The following DTNB variants were observed in gnomAD, a reference collection of about 807,000 sequenced individuals.
The protein encoded by DTNB is DTN-B.
Under a neutral mutation model 90.7 loss-of-function variants are expected in DTNB, and 63 were observed. The observed-to-expected ratio is 0.69, with a 90% CI of 0.57 to 0.86. The LOEUF is 0.86. Ranked by LOEUF, DTNB falls within the 40% of genes least tolerant of loss-of-function variation. The probability of loss-of-function intolerance (pLI) is 0.00; values close to 1 mark genes in which losing one functional copy is unlikely to be tolerated. For synonymous variants in DTNB, 277 were observed against 286.7 expected (o/e 0.97, Z 0.34); for missense variants, 744 against 807.1 (o/e 0.92, Z 0.95).
At chr2:25,396,375 G>A (rs758631429) in intron 16 of DTNB, among the ~76,000 whole-genome samples, 6 of 152,106 alleles carry the variant, frequency 3.9e-5, no homozygotes. Flanking sequence ...GCCAGATGTG[G>A]TGGTTCATGT....
chr2:25,663,172 C>T (rs750537690), intron 1 of DTNB, among the ~76,000 whole-genome samples: 4 of 151,606 alleles, frequency 2.6e-5, no homozygotes, highest in Non-Finnish European at 5.9e-5. Flanking sequence ...ATTCTGTTTT[C>T]TGTTCCTGTG....
At chr2:25,492,724 C>T (rs1208275591) in intron 9 of DTNB, among the ~76,000 whole-genome samples, 1 of 152,114 alleles carries the variant, frequency 6.6e-6, no homozygotes, top group East Asian at 1.9e-4. Flanking sequence ...TGGTGCACAC[C>T]TGTAGTCCCA....
chr2:25,670,154 A>G (rs1166554178), intron 1 of DTNB, among the ~76,000 whole-genome samples: 1 of 152,236 alleles, frequency 6.6e-6, no homozygotes, highest in Non-Finnish European at 1.5e-5. Context: ...GTGTTCCAAC[A>G]TGAAAAAATC....
chr2:25,387,434 C>T lies in DTNB; in HGVS notation c.1736-56G>A, dbSNP rs374269916. On this transcript the variant is annotated intron_variant, in intron 17 of 20. Transcript: ENST00000406818. This position sits in a 1 kb window ranked among gnomAD's most constrained non-coding sequence, Gnocchi z 4.5. ...AGGGTGGGTGAGCGTGGAGAAGAGA[C>T]GGCTGAGCAAATGCCTCAGTTCTGC... 2.4e-5 allele frequency: 37 copies of T among 1,542,842 alleles called. No homozygotes were observed. The highest frequency in any genetic ancestry group is 1.7e-4 in the Middle Eastern group (1 of 5,740).
intron 5 of DTNB, among the ~76,000 whole-genome samples, chr2:25,600,094 T>C (rs1008481511): frequency 2.0e-5 from 3 of 152,056 alleles, no homozygotes; most frequent in Admixed American, 6.5e-5. Context: ...CAAGACCCTA[T>C]CTCAAAAATA....
At chr2:25,610,083 G>C (rs747240616) in intron 4 of DTNB, among the ~76,000 whole-genome samples, 31 of 152,150 alleles carry the variant, frequency 2.0e-4, no homozygotes, top group Non-Finnish European at 3.5e-4. Flanking sequence ...TGTGAAGTCT[G>C]ACTTAGGTGA....
chr2:25,488,326 A>C (rs945797670), intron 9 of DTNB, among the ~76,000 whole-genome samples: 2 of 152,198 alleles, frequency 1.3e-5, no homozygotes, highest in African/African-American at 4.8e-5. Context: ...GGGAATAAAG[A>C]ATAAGAGATT....
intron 2 of DTNB, 28 bp downstream of exon 2, chr2:25,652,566 C>T (rs748881589): frequency 6.3e-7 from 1 of 1,584,790 alleles, no homozygotes; most frequent in South Asian, 1.2e-5. Context: ...AACATTCCCG[C>T]ACATATGAAC....
chr2:25,531,466 T>C lies in DTNB; in HGVS notation c.1001+7A>G. The C allele has an allele frequency of 3.1e-6, 5 of 1,611,518 alleles. No individual in the cohort carries two copies. Among genetic ancestry groups the C allele is most frequent in the Non-Finnish European group, 4.2e-6 (5 of 1,179,254 alleles). On this transcript the variant is annotated splice_region_variant and intron_variant, in intron 9 of 20. Transcript: ENST00000406818. The stretch of plus-strand genomic sequence containing the variant: ...TGATCCACATGCACATCCAGGGGTA[T>C]ACTTACACTATATGTGCAAGGTCAA...
At chr2:25,533,975 G>T (rs2078813262) in intron 8 of DTNB, among the ~76,000 whole-genome samples, 1 of 146,576 alleles carries the variant, frequency 6.8e-6, no homozygotes, top group South Asian at 2.1e-4. Context: ...TTTATTTTTT[G>T]GAAATGCAGC....
rs189618092 is a variant in DTNB at position 25,447,262 on chromosome 2, A to G, written c.1257+4286T>C. On this transcript the variant is annotated intron_variant, in intron 12 of 20. Transcript: ENST00000406818. ...GGACTCTTTCAGTGGGAGCACTGTT[A>G]GGTCTCAATTGAGAATGTAAGCAGA... is the stretch of plus-strand genomic sequence containing the variant. Among the ~76,000 whole-genome samples, 3 of 152,326 alleles carry G rather than the reference A, an allele frequency of 2.0e-5. No homozygotes were observed. The East Asian group carries it at 5.8e-4, about 29-fold the overall frequency.
At chr2:25,405,156 G>A (rs1558377306) in intron 16 of DTNB, among the ~76,000 whole-genome samples, 1 of 152,120 alleles carries the variant, frequency 6.6e-6, no homozygotes, top group South Asian at 2.1e-4. Flanking sequence ...TCAAATGCCT[G>A]GGCTCAAGTG....
intron 15 of DTNB, among the ~76,000 whole-genome samples, chr2:25,419,813 T>A (rs1443838989): frequency 2.0e-5 from 3 of 152,102 alleles, no homozygotes; most frequent in Admixed American, 2.0e-4. Flanking sequence ...TTACTATAGA[T>A]CAAACAGGCC....
chr2:25,571,932 A>C (rs1311704847), intron 8 of DTNB, among the ~76,000 whole-genome samples: 1 of 152,126 alleles, frequency 6.6e-6, no homozygotes, highest in Non-Finnish European at 1.5e-5. Context: ...AGTTCTCTCC[A>C]GTGGAATTTA....
intron 16 of DTNB, among the ~76,000 whole-genome samples, chr2:25,414,421 A>AT (rs2047379071): frequency 6.6e-6 from 1 of 151,978 alleles, no homozygotes; most frequent in Non-Finnish European, 1.5e-5. Flanking sequence ...CGCCCGGCTA[A>AT]TTTTTTGTAT....
At chr2:25,608,794 A>C (rs1213314775) in intron 4 of DTNB, among the ~76,000 whole-genome samples, 2 of 152,206 alleles carry the variant, frequency 1.3e-5, no homozygotes, top group East Asian at 3.8e-4. Flanking sequence ...AAAAAAACAT[A>C]TATTTGCTTT....
intron 4 of DTNB, among the ~76,000 whole-genome samples, chr2:25,609,253 A>G (rs568007960): frequency 6.6e-6 from 1 of 152,340 alleles, no homozygotes; most frequent in East Asian, 1.9e-4. Context: ...AAAGTGGCCC[A>G]CAAAGATGAA....
intron 6 of DTNB, among the ~76,000 whole-genome samples, chr2:25,591,079 C>T (rs976467897): frequency 6.6e-6 from 1 of 152,226 alleles, no homozygotes; most frequent in Non-Finnish European, 1.5e-5. Context: ...CAACAGTGCC[C>T]GAGCTCGGCC....
At chr2:25,487,184 A>G (rs1270546866) in intron 9 of DTNB, among the ~76,000 whole-genome samples, 1 of 152,232 alleles carries the variant, frequency 6.6e-6, no homozygotes, top group Non-Finnish European at 1.5e-5. Flanking sequence ...ATGGAGACAA[A>G]CATGCAAGCA....
Sources: gnomAD v4.1 joint callset for allele counts (sites outside exome capture counted in the v4.1 genomes callset) on GRCh38, gnomAD v4.1.1 for gene constraint, Gnocchi (gnomAD v3.1) non-coding constraint, MANE v1.5 for transcripts, NCBI Gene and HGNC (gene_info 2026-07-23, HGNC 2026-07-21) for gene names.